Variants in CSMD2 observed in about 807,000 individuals in gnomAD.
CSMD2 encodes CUB and sushi domain-containing protein 2.
A neutral mutation model predicts 398.5 loss-of-function variants in CSMD2; 130 were observed. The ratio of observed to expected loss-of-function variants is 0.33; its 90% CI spans 0.28 to 0.38. The LOEUF (loss-of-function observed/expected upper bound fraction) is 0.38, where lower values mean the gene tolerates loss of function less well. CSMD2 is among the 10% of genes least tolerant of loss of function. The pLI, the probability that CSMD2 is intolerant of heterozygous loss-of-function variation, is 1.00. For missense variants in CSMD2, 3,829 were observed against 4,764.9 expected, an observed-to-expected ratio of 0.80 and a Z score of 5.78; for synonymous variants, 1,828 against 1,908.5, an observed-to-expected ratio of 0.96 and a Z score of 1.10.
intron 4 of CSMD2, among the ~76,000 whole-genome samples, chr1:33,932,104 G>A (rs746947509): frequency 2.0e-5 from 3 of 152,148 alleles, no homozygotes; most frequent in Non-Finnish European, 2.9e-5. Flanking sequence ...CTGTTGGTGG[G>A]GACACTTTTC....
intron 5 of CSMD2, among the ~76,000 whole-genome samples, chr1:33,901,234 G>A (rs1291171349): frequency 2.0e-5 from 3 of 152,212 alleles, no homozygotes; most frequent in African/African-American, 4.8e-5. Context: ...TGGTCCTGTT[G>A]CCAAAGGGCT....
In CSMD2 at chr1:33,540,655, C is replaced by A. The variant is rs1241601718; in HGVS notation, c.9501G>T (p.Val3167=). 6.2e-7 allele frequency: 1 copy of A among 1,614,190 alleles called. No homozygotes were observed. The highest frequency in any genetic ancestry group is 1.7e-5 in the Admixed American group (1 of 60,034). The part of the protein sequence containing the change: ...KPPPLIPNGK[V]VGSDFMWGSS... ...AGCCCCACATGAAGTCAGACCCCAC[C>A]ACCTTCCCATTGGGGATGAGCGGAG... Residue 3167 remains valine, a synonymous_variant, in exon 60 of 71, where the codon GTG becomes GTT. Transcript: ENST00000373381.
chr1:34,048,793 T>C (rs1051115448), intron 2 of CSMD2, among the ~76,000 whole-genome samples: 1 of 152,162 alleles, frequency 6.6e-6, no homozygotes, highest in Non-Finnish European at 1.5e-5. Flanking sequence ...AACATATTAT[T>C]ATCAGCTGCT....
At chr1:33,649,417 G>A (rs1643637494) in intron 28 of CSMD2, among the ~76,000 whole-genome samples, 1 of 152,246 alleles carries the variant, frequency 6.6e-6, no homozygotes, top group Non-Finnish European at 1.5e-5. Context: ...GCCAAGGTGG[G>A]CAGGTCACTT....
At chr1:34,162,882 GAAGAA>G (rs994717631) in intron 1 of CSMD2, among the ~76,000 whole-genome samples, 8 of 152,114 alleles carry the variant, frequency 5.3e-5, no homozygotes, top group African/African-American at 1.9e-4. Context: ...AAAAGAAAGA[GAAGAA>G]AAGAAAAGAA....
At position 33,857,230 on chromosome 1, in the gene CSMD2, A is replaced by C. The variant is rs200104615; in HGVS notation, c.921-10234T>G. ...TTAAAAGGTTTAAGTGAGGTGATGC[A>C]TATAAAAGGTGCCTGGCACATAGCA... On this transcript the variant is annotated intron_variant, in intron 5 of 70. Transcript: ENST00000373381. 2.0e-5 allele frequency among the ~76,000 whole-genome samples: 3 copies of C among 152,098 alleles called. No homozygotes were observed. In the East Asian group the frequency reaches 5.8e-4, roughly 29 times the overall value.
chr1:34,164,787 G>A lies in CSMD2; in HGVS notation c.187+124C>T. 2 of 858,230 alleles carry A rather than the reference G, an allele frequency of 2.3e-6. No homozygotes were observed. Among genetic ancestry groups the A allele is most frequent in the Non-Finnish European group, 3.0e-6 (2 of 659,330 alleles). 53.2% of individuals were successfully genotyped at this position (858,230 alleles called of 1,614,324 possible). On this transcript the variant is annotated intron_variant, in intron 1 of 70. Coordinates refer to ENST00000373381, the MANE Select transcript of CSMD2 (RefSeq NM_001281956.2). The surrounding 1 kb of genome is among the most constrained non-coding windows in gnomAD (Gnocchi z 6.2). Reference sequence around the variant, plus strand: ...TGAGAATGAGAGTAGGCAACTGGGAGGGTGGGAGATTCAGGCAGGGATAGA... The same window carrying A: ...TGAGAATGAGAGTAGGCAACTGGGAAGGTGGGAGATTCAGGCAGGGATAGA...
chr1:33,709,517 A>G, intron 21 of CSMD2: 1 of 496,686 alleles, frequency 2.0e-6, no homozygotes, highest in Non-Finnish European at 3.5e-6. Flanking sequence ...CTACAGAAAC[A>G]GACGCTAACC....
intron 53 of CSMD2, among the ~76,000 whole-genome samples, chr1:33,566,817 C>T (rs6676127): frequency 0.4 from 61,374 of 151,938 alleles, 12,733 homozygotes; most frequent in Non-Finnish European, 0.46. Flanking sequence ...CAAGGAAAAA[C>T]AGAAACACAC....
chr1:34,069,391 C>G (rs1655470474), intron 2 of CSMD2, among the ~76,000 whole-genome samples: 1 of 152,096 alleles, frequency 6.6e-6, no homozygotes, highest in Admixed American at 6.6e-5. Context: ...GGGAAAGAGA[C>G]AGAAATCCAG....
chr1:33,646,693 T>C lies in CSMD2; in HGVS notation c.4729A>G (p.Ser1577Gly). Residue 1577 changes from serine to glycine, a missense_variant, in exon 29 of 71, where the codon AGC (serine) becomes GGC (glycine). Transcript: ENST00000373381. ...SSNSLFLAFR[S>G]DASVSNAGFV... ...CCAGCATTGCTCACAGATGCATCGC[T>C]GCGGAAGGCGAGGAAGAGGCTGTTG... 1 of 1,614,156 alleles carries C rather than the reference T, an allele frequency of 6.2e-7. No individual in the cohort carries two copies. The highest frequency in any genetic ancestry group is 8.5e-7 in the Non-Finnish European group (1 of 1,180,026).
At chr1:33,681,044 C>T (rs1018601007) in intron 25 of CSMD2, among the ~76,000 whole-genome samples, 1 of 148,994 alleles carries the variant, frequency 6.7e-6, no homozygotes, top group Non-Finnish European at 1.5e-5. Flanking sequence ...CATGCCTCAG[C>T]CTCCTGAATA....
intron 6 of CSMD2, among the ~76,000 whole-genome samples, chr1:33,837,259 C>T (rs950873035): frequency 6.6e-6 from 1 of 152,120 alleles, no homozygotes; most frequent in African/African-American, 2.4e-5. Context: ...AGAACAAAGG[C>T]AGGTCTCCAA....
At chr1:33,585,788 C>G (rs776706574) in intron 46 of CSMD2, among the ~76,000 whole-genome samples, 9 of 152,290 alleles carry the variant, frequency 5.9e-5, no homozygotes, top group Non-Finnish European at 1.2e-4. Flanking sequence ...TTGCAGGTAG[C>G]AGTAGTTCTA....
intron 5 of CSMD2, among the ~76,000 whole-genome samples, chr1:33,889,653 GAC>G (rs1641847614): frequency 7.3e-6 from 1 of 137,740 alleles, no homozygotes; most frequent in Non-Finnish European, 1.5e-5. Flanking sequence ...AAATGAGGCT[GAC>G]ATATATATAT....
At chr1:33,962,150 A>C (rs1377541344) in intron 3 of CSMD2, among the ~76,000 whole-genome samples, 2 of 152,202 alleles carry the variant, frequency 1.3e-5, no homozygotes, top group Non-Finnish European at 2.9e-5. Flanking sequence ...TCCTTTGCCC[A>C]GGACTCGTAC....
chr1:34,093,255 T>A (rs1249234836), intron 1 of CSMD2, among the ~76,000 whole-genome samples: 2 of 152,206 alleles, frequency 1.3e-5, no homozygotes, highest in African/African-American at 4.8e-5. Flanking sequence ...AAAACCCATC[T>A]GTACATCGCC....
chr1:33,900,531 C>T (rs1045059090), intron 5 of CSMD2, among the ~76,000 whole-genome samples: 1 of 152,220 alleles, frequency 6.6e-6, no homozygotes, highest in African/African-American at 2.4e-5. Flanking sequence ...AATCCCAACA[C>T]TTTGGGAGGC....
chr1:33,613,520 C>T (rs1314038639), intron 40 of CSMD2, among the ~76,000 whole-genome samples: 1 of 152,214 alleles, frequency 6.6e-6, no homozygotes, highest in East Asian at 1.9e-4. Flanking sequence ...TAACATCTTT[C>T]AGAGGGCCAC....
Sources: gnomAD v4.1 joint callset for allele counts (sites outside exome capture counted in the v4.1 genomes callset) on GRCh38, gnomAD v4.1.1 for gene constraint, Gnocchi (gnomAD v3.1) non-coding constraint, MANE v1.5 for transcripts, NCBI Gene and HGNC (gene_info 2026-07-23, HGNC 2026-07-21) for gene names.